The following TSC2 variants were observed in gnomAD, a reference collection of about 807,000 sequenced individuals.
TSC2 encodes the protein TSC complex subunit 2.
Under a neutral mutation model 202.2 loss-of-function variants are expected in TSC2, and 29 were observed. The ratio of observed to expected loss-of-function variants is 0.14; its 90% CI spans 0.11 to 0.20. TSC2 has a LOEUF of 0.20. Among genes scored for constraint, TSC2 ranks in the 10% least tolerant of loss-of-function variants. The probability of loss-of-function intolerance (pLI) is 1.00; values close to 1 mark genes in which losing one functional copy is unlikely to be tolerated. For missense variants in TSC2, 2,429 were observed against 2,420.0 expected (o/e 1.00, Z -0.08); for synonymous variants, 1,349 against 1,044.0 (o/e 1.29, Z -5.63).
At chr16:2,057,220 C>A in intron 9 of TSC2, 42 bp downstream of exon 9, 1 of 1,549,992 alleles carries the variant, frequency 6.5e-7, no homozygotes, top group South Asian at 1.2e-5. Context: ...GAGGCCAGCA[C>A]AGCCCTCGGG....
At position 2,085,044 on chromosome 16, in the gene TSC2, C is replaced by T. The variant is rs1278654590; in HGVS notation, c.4569+18C>T. On this transcript the variant is annotated intron_variant, in intron 35 of 41. Transcript: ENST00000219476. Reference sequence around the variant, plus strand: ...CCAATGAGGTAGGCGTGGCCTCCCTCTCCTGCATCCGCTGGAGCTGTGTGG... The same window carrying T: ...CCAATGAGGTAGGCGTGGCCTCCCTTTCCTGCATCCGCTGGAGCTGTGTGG... 8.7e-6 allele frequency: 14 copies of T among 1,612,920 alleles called. No homozygotes were observed. The highest frequency in any genetic ancestry group is 1.3e-5 in the African/African-American group (1 of 74,952).
intron 10 of TSC2, 115 bp from the exon 11 acceptor site, chr16:2,060,555 G>A (rs2086497721): frequency 1.3e-6 from 2 of 1,558,574 alleles, no homozygotes; most frequent in Non-Finnish European, 1.8e-6. Context: ...TGATAAACGT[G>A]TGGTGGGCAC....
At chr16:2,071,717 G>T (rs2151301823) in intron 18 of TSC2, 67 bp from the exon 19 acceptor site, 1 of 1,595,130 alleles carries the variant, frequency 6.3e-7, no homozygotes. Flanking sequence ...CCAGGGTTGG[G>T]AAGAGCCAAG....
chr16:2,083,919 C>T, intron 33 of TSC2, 103 bp downstream of exon 33: 1 of 1,482,226 alleles, frequency 6.7e-7, no homozygotes, highest in East Asian at 2.4e-5. Context: ...TGGCTCTGAA[C>T]TTGGGGGAGA....
intron 31 of TSC2, chr16:2,082,194 C>T (rs1042080125): frequency 8.3e-6 from 5 of 605,374 alleles, no homozygotes; most frequent in Non-Finnish European, 1.5e-5. Flanking sequence ...GGCCCTCTGG[C>T]TCTTCCCTGT....
chr16:2,070,981 C>A (rs1167199057), intron 17 of TSC2, among the ~76,000 whole-genome samples: 3 of 149,478 alleles, frequency 2.0e-5, no homozygotes, highest in African/African-American at 7.7e-5. Context: ...GAGGGCAGAG[C>A]TGAGAGGGCA....
intron 20 of TSC2, 148 bp from the exon 21 acceptor site, chr16:2,072,701 G>GA: frequency 1.5e-6 from 2 of 1,331,310 alleles, no homozygotes; most frequent in East Asian, 4.8e-5. Context: ...CTCCGAAAGG[G>GA]AGGCCCTTCC....
At chr16:2,080,719 C>T (rs545014498) in intron 30 of TSC2, 50 of 298,920 alleles carry the variant, frequency 1.7e-4, no homozygotes, top group East Asian at 1.4e-3. Flanking sequence ...CTCCTGACCT[C>T]GTGATCCGCC....
At chr16:2,077,553 G>C (rs1204150383) in intron 25 of TSC2, 45 bp from the exon 26 acceptor site, 1 of 1,611,226 alleles carries the variant, frequency 6.2e-7, no homozygotes, top group Non-Finnish European at 8.5e-7. Context: ...CCCTTCCCGG[G>C]AGCTGGGCTC....
At chr16:2,062,826 A>G (rs761822460) in intron 13 of TSC2, 146 bp from the exon 14 acceptor site, 34 of 1,006,862 alleles carry the variant, frequency 3.4e-5, no homozygotes, top group Non-Finnish European at 4.7e-5. Context: ...GTCTGGAGAG[A>G]TGCTCCCTGG....
At chr16:2,055,187 G>C in intron 5 of TSC2, 1 of 634,688 alleles carries the variant, frequency 1.6e-6, no homozygotes, top group Non-Finnish European at 2.9e-6. Flanking sequence ...CAGCCCCAGG[G>C]GCGGTAGATC....
In TSC2 at chr16:2,078,599, CTGCCT is replaced by C; in HGVS notation, c.2967-432_2967-428del. On this transcript the variant is annotated intron_variant, in intron 26 of 41. Coordinates refer to ENST00000219476, the MANE Select transcript of TSC2 (RefSeq NM_000548.5). ...GTGTGGAGCTCAGGCAGCCGCTCGC[CTGCCT>C]GAGGGTGACGGTGGAAGGCCACATG... is the stretch of plus-strand genomic sequence containing the variant. 1.1e-5 allele frequency: 3 copies of C among 282,314 alleles called. No homozygotes were observed. The South Asian group carries it at 1.1e-4, about 11-fold the overall frequency. 17.5% of individuals were successfully genotyped at this position (282,314 alleles called of 1,614,324 possible).
intron 4 of TSC2, chr16:2,053,877 G>T: frequency 2.1e-6 from 1 of 469,544 alleles, no homozygotes; most frequent in South Asian, 1.7e-5. Context: ...GCCTCCCCTG[G>T]TCGGCCACTT....
At position 2,078,728 on chromosome 16, in the gene TSC2, G is replaced by A. The variant is rs77620349; in HGVS notation, c.2967-304G>A. 1,426 of 463,480 alleles carry A rather than the reference G, an allele frequency of 3.1e-3. 19 individuals are homozygous for A. Among genetic ancestry groups the A allele is most frequent in the African/African-American group, 0.026 (1,332 of 50,780 alleles). 28.7% of individuals were successfully genotyped at this position (463,480 alleles called of 1,614,324 possible). On this transcript the variant is annotated intron_variant, in intron 26 of 41. Transcript: ENST00000219476. ...CTCCGCCTCTCTGCATGACTACACC[G>A]TTTCGCCAGGAGGCCGTAACCTAGT...
chr16:2,082,558 G>C, intron 32 of TSC2, 54 bp downstream of exon 32: 23 of 1,594,342 alleles, frequency 1.4e-5, no homozygotes, highest in Non-Finnish European at 2.0e-5. Flanking sequence ...CTGCCTCATA[G>C]GTGCTGTGCT....
At chr16:2,051,297 G>A (rs2085088081) in intron 3 of TSC2, among the ~76,000 whole-genome samples, 1 of 151,558 alleles carries the variant, frequency 6.6e-6, no homozygotes, top group Non-Finnish European at 1.5e-5. Context: ...TCCAGTCTGG[G>A]TGACGGAGCA....
At chr16:2,048,476 G>A (rs1352021311) in intron 1 of TSC2, 111 bp from the exon 2 acceptor site, 7 of 1,369,442 alleles carry the variant, frequency 5.1e-6, no homozygotes, top group Admixed American at 1.9e-5. Context: ...GAGTGTGGGA[G>A]GAAAGGTTAT....
rs560512442 is a variant in TSC2, at chr16:2,072,126, C to T, written c.2098-115C>T. 3.4e-5 allele frequency: 54 copies of T among 1,575,564 alleles called. No individual in the cohort carries two copies. In the African/African-American group the frequency reaches 3.9e-4, roughly 11 times the overall value. On this transcript the variant is annotated intron_variant, in intron 19 of 41. Coordinates refer to ENST00000219476, the MANE Select transcript of TSC2 (RefSeq NM_000548.5). ...CTGGGCAGGCTCCCCCGGCTGAGAA[C>T]AGGGCTCCATAGCCCTTGACGCTGT...
At chr16:2,072,645 G>C (rs11864849) in intron 20 of TSC2, 7 of 870,706 alleles carry the variant, frequency 8.0e-6, no homozygotes, top group Admixed American at 5.0e-5. Flanking sequence ...CTCCCGTGCC[G>C]TTCACCTCAC....
Sources: allele counts gnomAD v4.1 joint callset (sites outside exome capture counted in the v4.1 genomes callset), GRCh38; gene constraint gnomAD v4.1.1; transcripts MANE v1.5; gene names NCBI Gene and HGNC (gene_info 2026-07-23, HGNC 2026-07-21).